Variants in IQGAP3 observed in about 807,000 individuals in gnomAD.
IQGAP3 encodes ras GTPase-activating-like protein IQGAP3.
A neutral mutation model predicts 208.2 loss-of-function variants in IQGAP3; 165 were observed. The ratio of observed to expected loss-of-function variants is 0.79; its 90% CI spans 0.70 to 0.90. IQGAP3 has a LOEUF of 0.90. Among genes scored for constraint, IQGAP3 ranks in the 40% least tolerant of loss-of-function variants. The pLI, the probability that IQGAP3 is intolerant of heterozygous loss-of-function variation, is 0.00. For missense variants in IQGAP3, 1,811 were observed against 2,043.1 expected (o/e 0.89, Z 2.19); for synonymous variants, 703 against 803.6 (o/e 0.87, Z 2.12).
intron 16 of IQGAP3, among the ~76,000 whole-genome samples, chr1:156,549,533 A>G (rs1330930853): frequency 6.6e-6 from 1 of 151,770 alleles, no homozygotes; most frequent in Non-Finnish European, 1.5e-5. Context: ...CTGTCCTCCC[A>G]GCTACTCAGG....
At chr1:156,543,668 G>C (rs1368427975) in intron 22 of IQGAP3, among the ~76,000 whole-genome samples, 2 of 152,232 alleles carry the variant, frequency 1.3e-5, no homozygotes, top group African/African-American at 4.8e-5. Flanking sequence ...CAGAGGACTG[G>C]AGAGGAGAAG....
chr1:156,560,857 G>T, intron 11 of IQGAP3, 77 bp downstream of exon 11: 1 of 1,028,670 alleles, frequency 9.7e-7, no homozygotes, highest in Non-Finnish European at 1.5e-6. Flanking sequence ...CAATACAGAA[G>T]CCAGCAAAGA....
chr1:156,533,627 T>C (rs1674530734), intron 31 of IQGAP3, 146 bp downstream of exon 31: 3 of 647,588 alleles, frequency 4.6e-6, no homozygotes, highest in Non-Finnish European at 5.5e-6. Context: ...CCTGTGCCCA[T>C]GTCAGGACCA....
intron 26 of IQGAP3, among the ~76,000 whole-genome samples, chr1:156,538,054 GC>G (rs1428895357): frequency 1.3e-5 from 2 of 151,838 alleles, no homozygotes; most frequent in Non-Finnish European, 2.9e-5. Flanking sequence ...ACAACACCCG[GC>G]GAATTTTTGT....
In IQGAP3 at chr1:156,530,410, G is replaced by A; in HGVS notation, c.4192-93C>T. ...CCCATGGGCACCAGCAACAAAGGGA[G>A]GCCTGAGCATTTTTCTGCATATCAT... On this transcript the variant is annotated intron_variant, in intron 33 of 37. Coordinates refer to ENST00000361170, the MANE Select transcript of IQGAP3 (RefSeq NM_178229.5). 4.6e-6 allele frequency: 5 copies of A among 1,086,494 alleles called. No homozygotes were observed. In the South Asian group the frequency reaches 5.6e-5, roughly 12 times the overall value. The allele number at this position is 1,086,494 out of a possible 1,614,324, so 67.3% of individuals were successfully genotyped here.
chr1:156,563,738 G>A lies in IQGAP3; in HGVS notation c.505+19C>T, dbSNP rs901189878. ...GACCCTGCCCAGGCTGTGGTGGTCA[G>A]GGAAGGAGCTGGGCTTACCTGTGAA... On this transcript the variant is annotated intron_variant, in intron 6 of 37. Coordinates refer to ENST00000361170, the MANE Select transcript of IQGAP3 (RefSeq NM_178229.5). The A allele has an allele frequency of 6.2e-7, 1 of 1,612,788 alleles. No homozygotes were observed. Among genetic ancestry groups the A allele is most frequent in the Non-Finnish European group, 8.5e-7 (1 of 1,179,046 alleles).
Position 156,554,353 on chromosome 1 carries a change from G to T in IQGAP3, c.1330C>A (p.Leu444Ile). The change falls in exon 13 of 38, where the codon CTC becomes ATC. Residue 444 changes from leucine (L) to isoleucine (I), a missense_variant. Physicochemically the swap from Leu to Ile is conservative, Grantham distance 5. Coordinates refer to ENST00000361170, the MANE Select transcript of IQGAP3 (RefSeq NM_178229.5). ...QEELFVAVEMLSAVVLINRAL... is the reference protein window; with the variant it reads ...QEELFVAVEMISAVVLINRAL... ...CGGTTAATCAGGACCACAGCTGAGA[G>T]CATCTCCACAGCCACGAAGAGCTCC... 6.2e-7 allele frequency: 1 copy of T among 1,612,946 alleles called. No homozygotes were observed. Among genetic ancestry groups the T allele is most frequent in the Non-Finnish European group, 8.5e-7 (1 of 1,179,692 alleles).
chr1:156,543,881 C>T lies in IQGAP3; in HGVS notation c.2530+100G>A, dbSNP rs895791008. ...CACAGACAACTTGTGACTACCTTCC[C>T]CTTACCTGCTGTGCAGTCGCAGAAG... On this transcript the variant is annotated intron_variant, in intron 22 of 37. Transcript: ENST00000361170. 11 of 1,008,828 alleles carry T rather than the reference C, an allele frequency of 1.1e-5. No individual in the cohort carries two copies. In the African/African-American group the frequency reaches 1.3e-4, roughly 12 times the overall value. The allele number at this position is 1,008,828 out of a possible 1,614,324, so 62.5% of individuals were successfully genotyped here.
Position 156,566,402 on chromosome 1 carries a change from C to A in IQGAP3, c.270G>T (p.Gln90His). The stretch of plus-strand genomic sequence containing the variant: ...CCAATCCTCCCACCTGGTACCGCAG[C>A]TGCTCCACATCGTAGATCTTCTTCA... ...VPLKKIYDVE[Q>H]LRYQATGLHF... Residue 90 changes from glutamine to histidine, a missense_variant, in exon 3 of 38, where the codon CAG becomes CAT. Transcript: ENST00000361170. 6.2e-7 allele frequency: 1 copy of A among 1,614,122 alleles called. No individual in the cohort carries two copies. Among genetic ancestry groups the A allele is most frequent in the African/African-American group, 1.3e-5 (1 of 75,058 alleles).
At chr1:156,569,526 GTCTTTTTT>G in intron 1 of IQGAP3, 63 bp from the exon 2 acceptor site, 1 of 376,392 alleles carries the variant, frequency 2.7e-6, no homozygotes. Context: ...GCACTGAAGG[GTCTTTTTT>G]TTTTTTTTTT....
chr1:156,560,652 T>C (rs1676106946), intron 11 of IQGAP3, among the ~76,000 whole-genome samples: 1 of 152,162 alleles, frequency 6.6e-6, no homozygotes, highest in African/African-American at 2.4e-5. Context: ...GTTGAAACTG[T>C]CAAAATTACA....
intron 26 of IQGAP3, among the ~76,000 whole-genome samples, chr1:156,538,064 G>C (rs1429566062): frequency 6.6e-6 from 1 of 151,318 alleles, no homozygotes; most frequent in Non-Finnish European, 1.5e-5. Flanking sequence ...GCGAATTTTT[G>C]TATTTTTTAT....
At chr1:156,569,528 C>CTTTTTTT (rs34005985) in intron 1 of IQGAP3, 65 bp from the exon 2 acceptor site, 7 of 138,290 alleles carry the variant, frequency 5.1e-5, no homozygotes, top group Non-Finnish European at 7.4e-5. Flanking sequence ...ACTGAAGGGT[C>CTTTTTTT]TTTTTTTTTT....
chr1:156,545,676 T>C (rs756073429), intron 19 of IQGAP3, among the ~76,000 whole-genome samples: 8 of 152,058 alleles, frequency 5.3e-5, no homozygotes, highest in Non-Finnish European at 1.0e-4. Context: ...CTTTTTTATG[T>C]TTTGTAGAGA....
At chr1:156,547,396 C>CACACACAT (rs1675305709) in intron 19 of IQGAP3, among the ~76,000 whole-genome samples, 1 of 137,852 alleles carries the variant, frequency 7.3e-6, no homozygotes, top group Non-Finnish European at 1.6e-5. Flanking sequence ...CAGACACACA[C>CACACACAT]ACACACACAC....
In IQGAP3 at chr1:156,530,176, G is replaced by C. The variant is rs372435844; in HGVS notation, c.4333C>G (p.Arg1445Gly). The change falls in exon 34 of 38, where the codon CGC becomes GGC. Residue 1445 changes from arginine to glycine, a missense_variant. Coordinates refer to ENST00000361170, the MANE Select transcript of IQGAP3 (RefSeq NM_178229.5). ...ACCAACCCCAGGGCTTCAAGTCGGC[G>C]TAGGTTCCGCAGGACGCGCCGCTGC... ...EKQRRVLRNL[R>G]RLEALGLVSA... 1 of 1,611,968 alleles carries C rather than the reference G, an allele frequency of 6.2e-7. No individual in the cohort carries two copies. Among genetic ancestry groups the C allele is most frequent in the East Asian group, 2.2e-5 (1 of 44,836 alleles).
At chr1:156,557,424 C>A (rs1243093527) in intron 11 of IQGAP3, among the ~76,000 whole-genome samples, 1 of 14,266 alleles carries the variant, frequency 7.0e-5, no homozygotes, top group Non-Finnish European at 2.4e-4. Flanking sequence ...CCGCCCCGTC[C>A]GGGAGGGAGG....
Position 156,548,396 on chromosome 1 carries a change from A to T in IQGAP3, c.2085T>A (p.Pro695=). Residue 695 remains proline, a synonymous_variant, in exon 18 of 38, where the codon CCT becomes CCA. Coordinates refer to ENST00000361170, the MANE Select transcript of IQGAP3 (RefSeq NM_178229.5). ...GAGAGGTGTTGAGGGGGCAGCCAGG[A>T]GGTTGCTCCCAGATCCCCTGGAAGG... ...LQTFQGIWEQ[P]PGCPLNTSHL... The T allele has an allele frequency of 6.2e-7, 1 of 1,613,884 alleles. No homozygotes were observed. The highest frequency in any genetic ancestry group is 8.5e-7 in the Non-Finnish European group (1 of 1,179,950).
chr1:156,533,055 G>A lies in IQGAP3; in HGVS notation c.4028C>T (p.Ser1343Phe), dbSNP rs149943912. 1.5e-4 allele frequency: 242 copies of A among 1,613,972 alleles called. No individual in the cohort carries two copies. The highest frequency in any genetic ancestry group is 2.0e-4 in the Non-Finnish European group (232 of 1,179,996). ...GHTDLSKLEV[S>F]LTLTNKFEGL... ...TTCAAACTTGTTGGTCAGCGTCAGG[G>A]ACACTTCTAGCTTGCTCAGGTCCGT... Residue 1343 changes from serine (S) to phenylalanine (F), a missense_variant, in exon 32 of 38, where the codon TCC (serine) becomes TTC (phenylalanine). Transcript: ENST00000361170.
Sources: allele counts gnomAD v4.1 joint callset (sites outside exome capture counted in the v4.1 genomes callset), GRCh38; gene constraint gnomAD v4.1.1; transcripts MANE v1.5; gene names NCBI Gene and HGNC (gene_info 2026-07-23, HGNC 2026-07-21).